The following KCNIP4 variants were observed in gnomAD, a reference collection of about 807,000 sequenced individuals.
The protein encoded by KCNIP4 is potassium voltage-gated channel interacting protein 4.
In KCNIP4, 12 loss-of-function variants were observed where a neutral mutation model predicts 34.0. The observed-to-expected ratio is 0.35, with a 90% CI of 0.23 to 0.57. The LOEUF is 0.57. Among genes scored for constraint, KCNIP4 ranks in the 20% least tolerant of loss-of-function variants. The probability of loss-of-function intolerance (pLI) is 0.83; values close to 1 mark genes in which losing one functional copy is unlikely to be tolerated. For missense variants in KCNIP4, 238 were observed against 311.7 expected, an observed-to-expected ratio of 0.76 and a Z score of 1.78; for synonymous variants, 124 against 102.2, an observed-to-expected ratio of 1.21 and a Z score of -1.29.
At chr4:21,348,228 T>C (rs1374361783) in intron 1 of KCNIP4, among the ~76,000 whole-genome samples, 3 of 152,182 alleles carry the variant, frequency 2.0e-5, no homozygotes, top group Non-Finnish European at 4.4e-5. Flanking sequence ...TGGTCATAAC[T>C]GAGAAGATAT....
At position 21,012,138 on chromosome 4, in the gene KCNIP4, T is replaced by C. The variant is rs147459670; in HGVS notation, c.62-129429A>G. 2.8e-3 allele frequency among the ~76,000 whole-genome samples: 433 copies of C among 152,348 alleles called. 1 individual carries two copies. Among genetic ancestry groups the C allele is most frequent in the Non-Finnish European group, 2.8e-3 (192 of 68,038 alleles). ...ACCACTCCAATAGGACATGGGCTTA[T>C]AGAGAACAGAGTCAAGCCTTGTGGT... On this transcript the variant is annotated intron_variant, in intron 1 of 8. Coordinates refer to ENST00000382152, the MANE Select transcript of KCNIP4 (RefSeq NM_025221.6).
intron 1 of KCNIP4, among the ~76,000 whole-genome samples, chr4:21,571,509 C>T (rs1221502611): frequency 6.6e-6 from 1 of 152,144 alleles, no homozygotes; most frequent in Non-Finnish European, 1.5e-5. Context: ...ATAGACAAAA[C>T]CTCCACATAA....
chr4:21,401,910 C>G (rs1723592103), intron 1 of KCNIP4, among the ~76,000 whole-genome samples: 1 of 152,194 alleles, frequency 6.6e-6, no homozygotes, highest in Non-Finnish European at 1.5e-5. Context: ...ATTTATACCT[C>G]TAGCCCCTGA....
chr4:21,350,777 G>A (rs551785276), intron 1 of KCNIP4, among the ~76,000 whole-genome samples: 26 of 152,234 alleles, frequency 1.7e-4, no homozygotes, highest in African/African-American at 3.4e-4. Flanking sequence ...TAACATGGGC[G>A]AAGTGAATTT....
At chr4:21,805,553 C>T (rs1364318580) in intron 1 of KCNIP4, among the ~76,000 whole-genome samples, 2 of 152,134 alleles carry the variant, frequency 1.3e-5, no homozygotes, top group African/African-American at 4.8e-5. Flanking sequence ...TTCCCAGTCT[C>T]GGGTATATCT....
intron 1 of KCNIP4, among the ~76,000 whole-genome samples, chr4:21,208,868 CCTT>C (rs1757033244): frequency 6.6e-6 from 1 of 152,068 alleles, no homozygotes; most frequent in South Asian, 2.1e-4. Context: ...TAGCAAGACA[CCTT>C]CTTCACAAGG....
intron 2 of KCNIP4, among the ~76,000 whole-genome samples, chr4:20,851,851 C>A (rs10017195): frequency 0.71 from 108,339 of 151,934 alleles, 38,869 homozygotes; most frequent in South Asian, 0.83. Flanking sequence ...TACAAGATAG[C>A]CTCTGATAAT....
intron 1 of KCNIP4, among the ~76,000 whole-genome samples, chr4:21,077,552 C>T (rs1386796284): frequency 6.6e-6 from 1 of 152,074 alleles, no homozygotes; most frequent in Non-Finnish European, 1.5e-5. Flanking sequence ...TCAGAGTGCC[C>T]TAGTTAAACT....
intron 1 of KCNIP4, among the ~76,000 whole-genome samples, chr4:20,938,709 T>C (rs1483653765): frequency 6.6e-6 from 1 of 152,146 alleles, no homozygotes; most frequent in Middle Eastern, 3.2e-3. Flanking sequence ...CTACATTTTA[T>C]CATAAAAATG....
At chr4:20,864,224 A>G (rs6834506) in intron 2 of KCNIP4, among the ~76,000 whole-genome samples, 76,145 of 143,196 alleles carry the variant, frequency 0.53, 19,751 homozygotes, top group Admixed American at 0.65. Context: ...GTATATATGC[A>G]TATATATGTA....
chr4:21,376,244 T>A (rs1024312953), intron 1 of KCNIP4, among the ~76,000 whole-genome samples: 2 of 152,210 alleles, frequency 1.3e-5, no homozygotes, highest in African/African-American at 4.8e-5. Flanking sequence ...AAACCTAATA[T>A]AATCTTCTCC....
At chr4:21,179,323 T>C (rs1047014603) in intron 1 of KCNIP4, among the ~76,000 whole-genome samples, 1 of 152,198 alleles carries the variant, frequency 6.6e-6, no homozygotes, top group African/African-American at 2.4e-5. Flanking sequence ...GCTTCAAACA[T>C]TGAGATCATA....
At chr4:21,198,658 C>T (rs548259498) in intron 1 of KCNIP4, among the ~76,000 whole-genome samples, 168 of 152,296 alleles carry the variant, frequency 1.1e-3, no homozygotes, top group African/African-American at 3.8e-3. Flanking sequence ...TCATGACCTG[C>T]GCTGGACTTA....
intron 1 of KCNIP4, among the ~76,000 whole-genome samples, chr4:21,064,935 A>G (rs896076075): frequency 6.6e-6 from 1 of 152,188 alleles, no homozygotes; most frequent in African/African-American, 2.4e-5. Flanking sequence ...CTTACTTTGG[A>G]ATGTTATAGT....
intron 1 of KCNIP4, among the ~76,000 whole-genome samples, chr4:21,314,360 T>A (rs924961622): frequency 1.3e-5 from 2 of 152,144 alleles, no homozygotes; most frequent in Non-Finnish European, 2.9e-5. Flanking sequence ...GTACCAAAAT[T>A]ATGGTAGCAA....
rs1222245188 is a variant in KCNIP4, at chr4:20,749,745, A to G, written c.359-13T>C. On this transcript the variant is annotated splice_polypyrimidine_tract_variant and intron_variant, in intron 4 of 8. Transcript: ENST00000382152. The stretch of plus-strand genomic sequence containing the variant: ...TATGTTGTAGAGTCTGAAATGGTAA[A>G]AAGGGAGTATCATTAAGTCAGTGTT... The G allele has an allele frequency of 8.9e-6, 14 of 1,578,438 alleles. No homozygotes were observed. The highest frequency in any genetic ancestry group is 1.3e-5 in the African/African-American group (1 of 74,248).
At chr4:20,965,788 G>A (rs1266567250) in intron 1 of KCNIP4, among the ~76,000 whole-genome samples, 2 of 152,124 alleles carry the variant, frequency 1.3e-5, no homozygotes, top group East Asian at 3.8e-4. Flanking sequence ...CTTAAATATA[G>A]CCATAAATGC....
intron 1 of KCNIP4, among the ~76,000 whole-genome samples, chr4:21,930,857 G>T (rs1345819645): frequency 6.6e-6 from 1 of 152,080 alleles, no homozygotes; most frequent in African/African-American, 2.4e-5. Context: ...TTGTCCACAT[G>T]TCCCTCTCTC....
chr4:21,120,958 A>G (rs1418248700), intron 1 of KCNIP4, among the ~76,000 whole-genome samples: 3 of 152,236 alleles, frequency 2.0e-5, no homozygotes, highest in Non-Finnish European at 2.9e-5. Flanking sequence ...GGGAGGCACA[A>G]TTCAGCCCAT....
Sources: allele counts gnomAD v4.1 joint callset (sites outside exome capture counted in the v4.1 genomes callset), GRCh38; gene constraint gnomAD v4.1.1; transcripts MANE v1.5; gene names NCBI Gene and HGNC (gene_info 2026-07-23, HGNC 2026-07-21).